Variants in PMFBP1 observed in about 807,000 individuals in gnomAD.
The protein encoded by PMFBP1 is polyamine-modulated factor 1-binding protein 1.
A neutral mutation model predicts 137.8 loss-of-function variants in PMFBP1; 131 were observed. The observed-to-expected ratio is 0.95, with a 90% confidence interval of 0.82 to 1.10. PMFBP1 has a LOEUF of 1.10. PMFBP1 is among the 50% of genes least tolerant of loss of function. The pLI is 0.00. For missense variants in PMFBP1, 1,199 were observed against 1,175.4 expected, an observed-to-expected ratio of 1.02 and a Z score of -0.29; for synonymous variants, 490 against 450.4, an observed-to-expected ratio of 1.09 and a Z score of -1.11.
rs368720496 is a variant in PMFBP1, at chr16:72,125,254, T to C, written c.2405A>G (p.Gln802Arg). The C allele has an allele frequency of 1.2e-6, 2 of 1,613,752 alleles. No individual in the cohort carries two copies. Among genetic ancestry groups the C allele is most frequent in the Non-Finnish European group, 1.7e-6 (2 of 1,179,894 alleles). Reference sequence around the variant, plus strand: ...GCTCCTCACCTCCAGCTCACTCTCCTGGTGGAAGCCCCGCAGTTTTCTTAA... The same window carrying C: ...GCTCCTCACCTCCAGCTCACTCTCCCGGTGGAAGCCCCGCAGTTTTCTTAA... ...TELRKLRGFHQESELEVHAFD... is the reference protein window; with the variant it reads ...TELRKLRGFHRESELEVHAFD... Residue 802 changes from glutamine (Q) to arginine (R), a missense_variant, in exon 16 of 21, where the codon CAG becomes CGG. Coordinates refer to ENST00000237353, the MANE Select transcript of PMFBP1 (RefSeq NM_031293.3).
intron 19 of PMFBP1, among the ~76,000 whole-genome samples, chr16:72,122,648 T>C (rs2042392192): frequency 6.6e-6 from 1 of 152,224 alleles, no homozygotes; most frequent in Non-Finnish European, 1.5e-5. Context: ...CTTAGCACCC[T>C]TGACCTCTGA....
chr16:72,118,652 T>C (rs2042332115), downstream of PMFBP1, among the ~76,000 whole-genome samples: 1 of 152,158 alleles, frequency 6.6e-6, no homozygotes, highest in South Asian at 2.1e-4. Flanking sequence ...CAGAATAAAA[T>C]ATTAGCTGTC....
chr16:72,202,650 C>T, the PMFBP1 span, among the ~76,000 whole-genome samples: 7 of 152,334 alleles, frequency 4.6e-5, no homozygotes, highest in Non-Finnish European at 1.0e-4. Context: ...CCGTAGGAGG[C>T]TGTCACTTCC....
At chr16:72,240,947 A>AAGAG in the PMFBP1 span, among the ~76,000 whole-genome samples, 1 of 131,564 alleles carries the variant, frequency 7.6e-6, no homozygotes, top group Admixed American at 7.3e-5. Context: ...GAGAGCGTGC[A>AAGAG]AGAGAGAGAG....
intron 5 of PMFBP1, among the ~76,000 whole-genome samples, chr16:72,141,965 C>T (rs1018103841): frequency 6.7e-6 from 1 of 149,436 alleles, no homozygotes; most frequent in Non-Finnish European, 1.5e-5. Context: ...TTACTGCCCT[C>T]TTATTGGTTC....
chr16:72,123,036 G>A (rs34380282), intron 18 of PMFBP1, 48 bp from the exon 19 acceptor site: 27,593 of 1,537,890 alleles, frequency 0.018, 273 homozygotes, highest in Non-Finnish European at 0.022. Flanking sequence ...CCAGCCTCCC[G>A]CGAGCAAGGG....
At position 72,132,967 on chromosome 16, in the gene PMFBP1, G is replaced by A; in HGVS notation, c.1228C>T (p.Leu410=). The part of the protein sequence containing the change: ...DKFLQEKDEM[L]QELEKKLTQV... The stretch of plus-strand genomic sequence containing the variant: ...GTCAGTTTCTTCTCCAGCTCTTGCA[G>A]CATCTCATCTTTCTCTTGGAGGAAC... Residue 410 remains leucine (L), a synonymous_variant, in exon 10 of 21, where the codon CTG becomes TTG. Transcript: ENST00000237353. 6.2e-7 allele frequency: 1 copy of A among 1,614,130 alleles called. No individual in the cohort carries two copies. Among genetic ancestry groups the A allele is most frequent in the Non-Finnish European group, 8.5e-7 (1 of 1,180,026 alleles).
At chr16:72,136,666 C>T in intron 8 of PMFBP1, 27 bp downstream of exon 8, 6 of 1,614,098 alleles carry the variant, frequency 3.7e-6, no homozygotes, top group Non-Finnish European at 5.1e-6. Flanking sequence ...TCTGGCTCCC[C>T]TGCCACAGCC....
intron 2 of PMFBP1, among the ~76,000 whole-genome samples, chr16:72,170,848 T>G (rs908438477): frequency 3.3e-5 from 5 of 152,224 alleles, no homozygotes; most frequent in South Asian, 2.1e-4. Context: ...GCTTTCTACA[T>G]GCACTACCTT....
Position 72,140,555 on chromosome 16 carries a change from T to G in PMFBP1, c.664A>C (p.Lys222Gln). 1 of 1,613,932 alleles carries G rather than the reference T, an allele frequency of 6.2e-7. No individual in the cohort carries two copies. Among genetic ancestry groups the G allele is most frequent in the African/African-American group, 1.3e-5 (1 of 75,062 alleles). Residue 222 changes from lysine to glutamine, a missense_variant, in exon 6 of 21, where the codon AAG (lysine) becomes CAG (glutamine). Physicochemically the swap from Lys to Gln is moderately conservative, Grantham distance 53. Transcript: ENST00000237353. ...QEPENKGDHS[K>Q]VRIYTSPCMI... ...CAAGGAGAAGTGTATATCCGTACCT[T>G]TGAATGATCACCCTTGTTCTCAGGC...
the PMFBP1 span, among the ~76,000 whole-genome samples, chr16:72,220,690 C>T: frequency 3.3e-5 from 5 of 152,126 alleles, no homozygotes; most frequent in African/African-American, 7.2e-5. Context: ...AGAGACAGTA[C>T]TCGGCCTTGC....
chr16:72,242,776 A>T, the PMFBP1 span, among the ~76,000 whole-genome samples: 1 of 152,262 alleles, frequency 6.6e-6, no homozygotes, highest in East Asian at 1.9e-4. Context: ...ATTGAGAAAT[A>T]CTTTATAAGC....
the PMFBP1 span, among the ~76,000 whole-genome samples, chr16:72,198,564 T>C: frequency 6.6e-6 from 1 of 152,190 alleles, no homozygotes; most frequent in Admixed American, 6.5e-5. Context: ...TCTCTGGCTC[T>C]GTCTGCTAAT....
chr16:72,248,393 A>G, the PMFBP1 span, among the ~76,000 whole-genome samples: 2 of 152,228 alleles, frequency 1.3e-5, no homozygotes, highest in Non-Finnish European at 2.9e-5. Flanking sequence ...AACACTTTAT[A>G]TCATTGGGGC....
chr16:72,230,875 C>G, the PMFBP1 span, among the ~76,000 whole-genome samples: 1 of 152,134 alleles, frequency 6.6e-6, no homozygotes, highest in Non-Finnish European at 1.5e-5. Context: ...ATATTCCTGT[C>G]ATAAGCATAT....
At chr16:72,121,273 G>A (rs1176143097) in intron 19 of PMFBP1, among the ~76,000 whole-genome samples, 7 of 152,152 alleles carry the variant, frequency 4.6e-5, no homozygotes, top group South Asian at 2.1e-4. Context: ...CTCTTCCCCC[G>A]CCCAGTAGCC....
At chr16:72,194,975 T>A in the PMFBP1 span, among the ~76,000 whole-genome samples, 3 of 152,250 alleles carry the variant, frequency 2.0e-5, no homozygotes, top group Non-Finnish European at 2.9e-5. Context: ...TCCTTCATTC[T>A]GTTTCTGACA....
At chr16:72,184,605 C>G in the PMFBP1 span, among the ~76,000 whole-genome samples, 1 of 152,180 alleles carries the variant, frequency 6.6e-6, no homozygotes, top group African/African-American at 2.4e-5. Flanking sequence ...TAAACTTGCC[C>G]AAGATCACAG....
At chr16:72,120,146 C>A (rs2042356332) in intron 19 of PMFBP1, 57 bp from the exon 20 acceptor site, 3 of 1,611,746 alleles carry the variant, frequency 1.9e-6, no homozygotes, top group African/African-American at 1.3e-5. Context: ...TGGTTGGTTC[C>A]CTGCTAGAAA....
Sources: gnomAD v4.1 joint callset for allele counts (sites outside exome capture counted in the v4.1 genomes callset) on GRCh38, gnomAD v4.1.1 for gene constraint, MANE v1.5 for transcripts, NCBI Gene and HGNC (gene_info 2026-07-23, HGNC 2026-07-21) for gene names.